SCFD2: variants seen among roughly 807,000 people sequenced by gnomAD.
The protein encoded by SCFD2 is sec1 family domain-containing protein 2.
SCFD2 carries 54 observed loss-of-function variants against 58.9 expected under a neutral mutation model. The ratio of observed to expected loss-of-function variants is 0.92; its 90% CI spans 0.74 to 1.15. The LOEUF (loss-of-function observed/expected upper bound fraction) is 1.15, where lower values mean the gene tolerates loss of function less well. Among genes scored for constraint, SCFD2 ranks in the 50% most tolerant of loss-of-function variants. The pLI, the probability that SCFD2 is intolerant of heterozygous loss-of-function variation, is 0.00. For synonymous variants in SCFD2, 321 were observed against 335.9 expected, an observed-to-expected ratio of 0.96 and a Z score of 0.49; for missense variants, 805 against 836.6, an observed-to-expected ratio of 0.96 and a Z score of 0.47.
At chr4:52,927,263 A>G (rs1043219538) in intron 5 of SCFD2, among the ~76,000 whole-genome samples, 2 of 152,150 alleles carry the variant, frequency 1.3e-5, no homozygotes, top group Non-Finnish European at 2.9e-5. Flanking sequence ...TAAAATATAA[A>G]TGTGTTTTCA....
At chr4:53,363,136 CTTT>C (rs1270274922) in intron 1 of SCFD2, among the ~76,000 whole-genome samples, 1 of 146,678 alleles carries the variant, frequency 6.8e-6, no homozygotes, top group Admixed American at 6.8e-5. Flanking sequence ...TTCTTTTTTT[CTTT>C]TTTTTTTCTT....
chr4:53,018,238 T>G (rs1401901741), intron 5 of SCFD2, among the ~76,000 whole-genome samples: 1 of 152,200 alleles, frequency 6.6e-6, no homozygotes, highest in Non-Finnish European at 1.5e-5. Context: ...TAAGAAAAAG[T>G]TGATGAAAAT....
intron 4 of SCFD2, among the ~76,000 whole-genome samples, chr4:53,254,856 TTTTA>T (rs1223782540): frequency 5.4e-4 from 77 of 143,616 alleles, no homozygotes; most frequent in African/African-American, 1.5e-3. Context: ...TTTTATTTTA[TTTTA>T]TTTATTTTAT....
At chr4:53,293,489 A>G (rs1208069658) in intron 3 of SCFD2, among the ~76,000 whole-genome samples, 2 of 152,182 alleles carry the variant, frequency 1.3e-5, no homozygotes, top group African/African-American at 2.4e-5. Flanking sequence ...TATGCAAATC[A>G]TATACTATAA....
chr4:52,978,343 C>G (rs6832812), intron 5 of SCFD2, among the ~76,000 whole-genome samples: 1,643 of 152,266 alleles, frequency 0.011, 34 homozygotes, highest in African/African-American at 0.035. Flanking sequence ...ATGCTACTCT[C>G]TGATGACCCC....
At chr4:53,135,381 A>G (rs1412946856) in intron 5 of SCFD2, among the ~76,000 whole-genome samples, 45 of 152,230 alleles carry the variant, frequency 3.0e-4, no homozygotes, top group Non-Finnish European at 3.1e-4. Context: ...ATTTTTAAAA[A>G]TCCAGATTCC....
At position 53,218,457 on chromosome 4, in the gene SCFD2, G is replaced by A. The variant is rs151251932; in HGVS notation, c.1311+55369C>T. Among the ~76,000 whole-genome samples the A allele has an allele frequency of 4.1e-4, 62 of 152,138 alleles. No individual in the cohort carries two copies. The East Asian group carries it at 8.7e-3, about 21-fold the overall frequency. On this transcript the variant is annotated intron_variant, in intron 4 of 8. Coordinates refer to ENST00000401642, the MANE Select transcript of SCFD2 (RefSeq NM_152540.4). Reference sequence around the variant, plus strand: ...ATTGGCTACTGAAGCTTGTGCATTCGTCACATGGTTCTCATGTCATGGTTT... The same window carrying A: ...ATTGGCTACTGAAGCTTGTGCATTCATCACATGGTTCTCATGTCATGGTTT...
intron 6 of SCFD2, among the ~76,000 whole-genome samples, chr4:52,918,965 C>T (rs1306679798): frequency 6.6e-6 from 1 of 152,196 alleles, no homozygotes; most frequent in Non-Finnish European, 1.5e-5. Context: ...ACTTCCCACT[C>T]ACTGACACTT....
intron 4 of SCFD2, among the ~76,000 whole-genome samples, chr4:53,238,122 G>A (rs1340871556): frequency 1.5e-5 from 2 of 132,620 alleles, no homozygotes; most frequent in Admixed American, 7.2e-5. Context: ...TCCCAGTAGG[G>A]GTGGCCGGGC....
At chr4:53,032,047 G>A (rs952724966) in intron 5 of SCFD2, among the ~76,000 whole-genome samples, 9 of 152,218 alleles carry the variant, frequency 5.9e-5, no homozygotes, top group South Asian at 2.1e-4. Flanking sequence ...CAGAAAGGTC[G>A]GGTTACCCAC....
At chr4:53,144,247 G>T (rs1413253695) in intron 5 of SCFD2, among the ~76,000 whole-genome samples, 1 of 151,576 alleles carries the variant, frequency 6.6e-6, no homozygotes, top group East Asian at 1.9e-4. Flanking sequence ...AGGAGTTTGA[G>T]ATCAGCCTGG....
At chr4:53,164,456 C>T (rs905443081) in intron 4 of SCFD2, among the ~76,000 whole-genome samples, 9 of 152,124 alleles carry the variant, frequency 5.9e-5, no homozygotes, top group African/African-American at 2.2e-4. Flanking sequence ...GCTCTGGCTT[C>T]CATTGTAGCC....
chr4:52,896,922 A>T (rs1229723716), intron 7 of SCFD2, among the ~76,000 whole-genome samples: 1 of 152,152 alleles, frequency 6.6e-6, no homozygotes, highest in African/African-American at 2.4e-5. Context: ...CTTTGAAGCA[A>T]TTGTGAATGG....
intron 6 of SCFD2, among the ~76,000 whole-genome samples, chr4:52,916,299 G>C (rs1719601613): frequency 6.6e-6 from 1 of 152,240 alleles, no homozygotes; most frequent in South Asian, 2.1e-4. Context: ...GCCGGGCGCA[G>C]TAGCTCATGC....
intron 5 of SCFD2, among the ~76,000 whole-genome samples, chr4:53,142,171 C>G (rs1159882895): frequency 6.6e-6 from 1 of 152,158 alleles, no homozygotes; most frequent in Non-Finnish European, 1.5e-5. Flanking sequence ...ATGGTTCCAC[C>G]AAACATGATT....
At chr4:52,913,671 G>A (rs1332980445) in intron 6 of SCFD2, among the ~76,000 whole-genome samples, 1 of 152,282 alleles carries the variant, frequency 6.6e-6, no homozygotes, top group African/African-American at 2.4e-5. Context: ...TGCACCGCCT[G>A]GTGCCTTCCA....
chr4:53,216,677 G>A (rs913503682), intron 4 of SCFD2, among the ~76,000 whole-genome samples: 15 of 151,996 alleles, frequency 9.9e-5, no homozygotes, highest in African/African-American at 2.2e-4. Flanking sequence ...GTTATTTCTC[G>A]CCTTCTGCTA....
chr4:52,887,997 G>A (rs949950759), intron 7 of SCFD2, among the ~76,000 whole-genome samples: 6 of 134,790 alleles, frequency 4.5e-5, no homozygotes, highest in East Asian at 2.3e-4. Flanking sequence ...TGCAAGCTCC[G>A]CTTCCCGGGT....
chr4:53,365,242 C>G lies in SCFD2; in HGVS notation c.700G>C (p.Glu234Gln), dbSNP rs1734660688. The G allele has an allele frequency of 1.9e-6, 3 of 1,614,190 alleles. No individual in the cohort carries two copies. The highest frequency in any genetic ancestry group is 1.1e-5 in the South Asian group (1 of 91,074). Reference sequence around the variant, plus strand: ...AAGGAACCTACAGCAAAACACTCCTCCCGTACTCCTAAATGTTCACACAGA... The same window carrying G: ...AAGGAACCTACAGCAAAACACTCCTGCCGTACTCCTAAATGTTCACACAGA... Reference protein sequence around the residue: ...SSLCEHLGVREECFAVGSLSQ... With the variant: ...SSLCEHLGVRQECFAVGSLSQ... The change falls in exon 1 of 9, where the codon GAG (glutamate) becomes CAG (glutamine). Residue 234 changes from glutamate to glutamine, a missense_variant. Glu to Gln is a conservative substitution (Grantham distance 29). Coordinates refer to ENST00000401642, the MANE Select transcript of SCFD2 (RefSeq NM_152540.4). This position sits in a 1 kb window ranked among gnomAD's most constrained non-coding sequence, Gnocchi z 4.3.
Sources: gnomAD v4.1 joint callset for allele counts (sites outside exome capture counted in the v4.1 genomes callset) on GRCh38, gnomAD v4.1.1 for gene constraint, Gnocchi (gnomAD v3.1) non-coding constraint, MANE v1.5 for transcripts, NCBI Gene and HGNC (gene_info 2026-07-23, HGNC 2026-07-21) for gene names.